TRPV5: variants seen among roughly 807,000 people sequenced by gnomAD.
TRPV5 encodes calcium transport protein 2.
Under a neutral mutation model 74.1 loss-of-function variants are expected in TRPV5, and 66 were observed. The observed-to-expected ratio is 0.89, with a 90% CI of 0.73 to 1.09. The LOEUF (loss-of-function observed/expected upper bound fraction) is 1.09. TRPV5 is among the 50% of genes least tolerant of loss of function. TRPV5 has a pLI of 0.00. For synonymous variants in TRPV5, 399 were observed against 360.7 expected (o/e 1.11, Z -1.20); for missense variants, 936 against 930.4 (o/e 1.01, Z -0.08).
chr7:142,915,430 A>G lies in TRPV5; in HGVS notation c.1210-47T>C, dbSNP rs368135921. ...AAAAATACAATGTGGACTGCGGTACAGTCTGGGCCTTAGATGGGATGGGAT... is the reference window on the plus strand; with the variant it reads ...AAAAATACAATGTGGACTGCGGTACGGTCTGGGCCTTAGATGGGATGGGAT... On this transcript the variant is annotated intron_variant, in intron 9 of 14. Coordinates refer to ENST00000265310, the MANE Select transcript of TRPV5 (RefSeq NM_019841.7). The G allele has an allele frequency of 3.7e-6, 6 of 1,611,048 alleles. No homozygotes were observed. In the African/African-American group the frequency reaches 6.7e-5, roughly 18 times the overall value.
At chr7:142,914,568 G>C (rs1244674945) in intron 12 of TRPV5, 72 bp downstream of exon 12, 2 of 1,273,360 alleles carry the variant, frequency 1.6e-6, no homozygotes, top group Non-Finnish European at 2.2e-6. Context: ...TGAGAACTGA[G>C]AGCAAGAATG....
chr7:142,913,868 C>T (rs1795748059), intron 12 of TRPV5, among the ~76,000 whole-genome samples: 1 of 152,188 alleles, frequency 6.6e-6, no homozygotes, highest in Non-Finnish European at 1.5e-5. Context: ...ATTTGAGCTA[C>T]TGGCCTTTTG....
At chr7:142,915,809 C>T (rs1453910143) in intron 8 of TRPV5, among the ~76,000 whole-genome samples, 1 of 152,148 alleles carries the variant, frequency 6.6e-6, no homozygotes, top group Non-Finnish European at 1.5e-5. Flanking sequence ...CTAGCAAAAT[C>T]GCCTTTTCTA....
chr7:142,928,295 A>G, intron 6 of TRPV5, 61 bp from the exon 7 acceptor site: 1 of 1,587,300 alleles, frequency 6.3e-7, no homozygotes, highest in Non-Finnish European at 8.6e-7. Flanking sequence ...GAGGAGAACA[A>G]CTCCATTGGA....
chr7:142,909,654 G>A, intron 13 of TRPV5, 58 bp from the exon 14 acceptor site: 1 of 1,568,136 alleles, frequency 6.4e-7, no homozygotes, highest in Non-Finnish European at 8.7e-7. Context: ...GTTCAAAGAG[G>A]CACTGAGGCC....
At chr7:142,918,914 A>T (rs1208733027) in intron 8 of TRPV5, among the ~76,000 whole-genome samples, 1 of 152,214 alleles carries the variant, frequency 6.6e-6, no homozygotes, top group African/African-American at 2.4e-5. Flanking sequence ...ACCAAACGGG[A>T]TGTACAAAAC....
At position 142,922,560 on chromosome 7, in the gene TRPV5, T is replaced by C. The variant is rs140892291; in HGVS notation, c.1122+2969A>G. Among the ~76,000 whole-genome samples the C allele has an allele frequency of 2.7e-4, 41 of 152,330 alleles. No individual in the cohort carries two copies. The East Asian group carries it at 7.1e-3, about 27-fold the overall frequency. On this transcript the variant is annotated intron_variant, in intron 8 of 14. Transcript: ENST00000265310. Reference sequence around the variant, plus strand: ...AGACATTCCAACTTATTAGGTCTACTAAAGTGTAGCCTAGGAGCTAGTCAT... The same window carrying C: ...AGACATTCCAACTTATTAGGTCTACCAAAGTGTAGCCTAGGAGCTAGTCAT...
At chr7:142,910,854 A>G (rs1171182116) in intron 13 of TRPV5, among the ~76,000 whole-genome samples, 3 of 152,094 alleles carry the variant, frequency 2.0e-5, no homozygotes, top group Admixed American at 6.5e-5. Context: ...CTTTTAGTGC[A>G]TTGGTTTGAG....
chr7:142,914,861 A>G lies in TRPV5; in HGVS notation c.1452+20T>C, dbSNP rs566439719. The G allele has an allele frequency of 6.2e-7, 1 of 1,613,630 alleles. No individual in the cohort carries two copies. Among genetic ancestry groups the G allele is most frequent in the Non-Finnish European group, 8.5e-7 (1 of 1,179,686 alleles). On this transcript the variant is annotated intron_variant, in intron 11 of 14. Coordinates refer to ENST00000265310, the MANE Select transcript of TRPV5 (RefSeq NM_019841.7). ...AAGGTCTTGTGCCTGAGGCGGAGGA[A>G]GCTTCGGGAAAGCACTGACCTTCTG... is the stretch of plus-strand genomic sequence containing the variant.
At chr7:142,912,844 C>CTATCTATCTA in intron 12 of TRPV5, 94 bp from the exon 13 acceptor site, 1 of 814,802 alleles carries the variant, frequency 1.2e-6, no homozygotes, top group Middle Eastern at 3.7e-4. Flanking sequence ...TCTGATCTAT[C>CTATCTATCTA]TATCTATCTA....
At position 142,933,559 on chromosome 7, in the gene TRPV5, G is replaced by A. The variant is rs996888765; in HGVS notation, c.-100C>T. ...CAAGAGATGGGGTCTATTTGGGGCTGGGACTCTGAGTTTATCTCCTGTATG... is the reference window on the plus strand; with the variant it reads ...CAAGAGATGGGGTCTATTTGGGGCTAGGACTCTGAGTTTATCTCCTGTATG... On this transcript the variant is annotated 5_prime_UTR_variant, in exon 1 of 15. The change creates a premature stop within an existing upstream ORF in the 5' untranslated region. Transcript: ENST00000265310. 3 of 1,495,896 alleles carry A rather than the reference G, an allele frequency of 2.0e-6. No homozygotes were observed. The African/African-American group carries it at 4.2e-5, about 21-fold the overall frequency. 92.7% of individuals were successfully genotyped at this position (1,495,896 alleles called of 1,614,324 possible). A position where few individuals can be genotyped will look rare whatever the true frequency, so the allele number is the denominator to read the frequency against.
intron 13 of TRPV5, among the ~76,000 whole-genome samples, chr7:142,911,823 T>A (rs1483504665): frequency 6.6e-6 from 1 of 152,152 alleles, no homozygotes; most frequent in Non-Finnish European, 1.5e-5. Flanking sequence ...TATGGAAGAA[T>A]GTGTTCTGTG....
intron 1 of TRPV5, among the ~76,000 whole-genome samples, chr7:142,932,524 G>A (rs1437343171): frequency 6.6e-6 from 1 of 152,190 alleles, no homozygotes; most frequent in Non-Finnish European, 1.5e-5. Flanking sequence ...CTGGAGTACA[G>A]GGGAGCCCTT....
chr7:142,926,395 G>A (rs969493874), intron 7 of TRPV5, among the ~76,000 whole-genome samples: 1 of 152,118 alleles, frequency 6.6e-6, no homozygotes, highest in African/African-American at 2.4e-5. Flanking sequence ...GGGGATGATG[G>A]ACGGGAGGAG....
chr7:142,929,056 C>T lies in TRPV5; in HGVS notation c.552G>A (p.Glu184=). ...NSEEIVRLLI[E]HGADIRAQDS... ...CCTGGGCCCTGATGTCAGCTCCATG[C>T]TCAATGAGCAGCCGCACGATCTCCT... The change falls in exon 5 of 15, where the codon GAG becomes GAA. Residue 184 remains glutamate (E), a synonymous_variant. Coordinates refer to ENST00000265310, the MANE Select transcript of TRPV5 (RefSeq NM_019841.7). The T allele has an allele frequency of 6.2e-7, 1 of 1,614,104 alleles. No individual in the cohort carries two copies. The highest frequency in any genetic ancestry group is 1.1e-5 in the South Asian group (1 of 91,074).
At position 142,909,512 on chromosome 7, in the gene TRPV5, G is replaced by T. The variant is rs1426885383; in HGVS notation, c.1873C>A (p.Leu625Met). ...CACCGCAGGAACCAGCGGTCCCCCAGCCCGAATTCGCACCCACAGATCCCG... is the reference window on the plus strand; with the variant it reads ...CACCGCAGGAACCAGCGGTCCCCCATCCCGAATTCGCACCCACAGATCCCG... ...RSGICGCEFG[L>M]GDRWFLRVEN... Residue 625 changes from leucine (L) to methionine (M), a missense_variant, in exon 14 of 15, where the codon CTG becomes ATG. Transcript: ENST00000265310. 7 of 1,613,878 alleles carry T rather than the reference G, an allele frequency of 4.3e-6. No homozygotes were observed. The highest frequency in any genetic ancestry group is 5.9e-6 in the Non-Finnish European group (7 of 1,180,038).
At chr7:142,921,275 C>T (rs1055151531) in intron 8 of TRPV5, among the ~76,000 whole-genome samples, 3 of 152,166 alleles carry the variant, frequency 2.0e-5, no homozygotes, top group African/African-American at 4.8e-5. Context: ...GGCCAATCCA[C>T]CATTTTTTTA....
intron 8 of TRPV5, among the ~76,000 whole-genome samples, chr7:142,915,811 C>T (rs992971597): frequency 1.3e-5 from 2 of 152,162 alleles, no homozygotes; most frequent in African/African-American, 4.8e-5. Flanking sequence ...AGCAAAATCG[C>T]CTTTTCTATA....
intron 6 of TRPV5, 36 bp downstream of exon 6, chr7:142,928,655 T>C (rs1469057743): frequency 6.3e-7 from 1 of 1,597,256 alleles, no homozygotes; most frequent in African/African-American, 1.3e-5. Flanking sequence ...TGAGGGTCAT[T>C]AGAAAGACAC....
Sources: gnomAD v4.1 joint callset for allele counts (sites outside exome capture counted in the v4.1 genomes callset) on GRCh38, gnomAD v4.1.1 for gene constraint, MANE v1.5 for transcripts, NCBI Gene and HGNC (gene_info 2026-07-23, HGNC 2026-07-21) for gene names.